The following AS3MT variants were observed in gnomAD, a reference collection of about 807,000 sequenced individuals.
AS3MT encodes the protein S-adenosyl-L-methionine:arsenic(III) methyltransferase.
AS3MT carries 47 observed loss-of-function variants against 45.3 expected under a neutral mutation model. That is an observed-to-expected ratio of 1.04 (90% confidence interval 0.82 to 1.32). The LOEUF is 1.32. Ranked by LOEUF, AS3MT falls within the 40% of genes most tolerant of loss-of-function variation. The pLI, the probability that AS3MT is intolerant of heterozygous loss-of-function variation, is 0.00. For synonymous variants in AS3MT, 141 were observed against 152.8 expected (o/e 0.92, Z 0.57); for missense variants, 396 against 451.1 (o/e 0.88, Z 1.11).
In AS3MT at chr10:102,881,146, A is replaced by G. The variant is rs1176436432; in HGVS notation, c.885+2155A>G. 6.6e-6 allele frequency among the ~76,000 whole-genome samples: 1 copy of G among 152,214 alleles called. No homozygotes were observed. The highest frequency in any genetic ancestry group is 2.4e-5 in the African/African-American group (1 of 41,456). On this transcript the variant is annotated intron_variant, in intron 9 of 10. Coordinates refer to ENST00000369880, the MANE Select transcript of AS3MT (RefSeq NM_020682.4). The surrounding 1 kb of genome is among the most constrained non-coding windows in gnomAD (Gnocchi z 4.2). ...TCATTCGTTTCATCCTATGAATGCCATGGTGAGGGAAACAGTGTAGTTAGA... is the reference window on the plus strand; with the variant it reads ...TCATTCGTTTCATCCTATGAATGCCGTGGTGAGGGAAACAGTGTAGTTAGA...
chr10:102,900,744 C>A lies in AS3MT; in HGVS notation c.*44C>A. 1.4e-6 allele frequency: 2 copies of A among 1,469,284 alleles called. No homozygotes were observed. The highest frequency in any genetic ancestry group is 1.9e-6 in the Non-Finnish European group (2 of 1,048,546). 91.0% of individuals were successfully genotyped at this position (1,469,284 alleles called of 1,614,324 possible). ...GACCACAGTAGTGGGCAAGAGTGATCTGCATGTTTTTTAACCTGCTTTTCC... is the reference window on the plus strand; with the variant it reads ...GACCACAGTAGTGGGCAAGAGTGATATGCATGTTTTTTAACCTGCTTTTCC... On this transcript the variant is annotated 3_prime_UTR_variant, in exon 11 of 11. Transcript: ENST00000369880.
At chr10:102,871,589 G>A (rs182636939) in intron 3 of AS3MT, among the ~76,000 whole-genome samples, 1,873 of 132,192 alleles carry the variant, frequency 0.014, 45 homozygotes, top group African/African-American at 0.051. Flanking sequence ...TTAGCCAGGA[G>A]TGGTGGCAGG....
intron 9 of AS3MT, chr10:102,887,848 A>G (rs1344969841): frequency 6.6e-6 from 1 of 152,626 alleles, no homozygotes; most frequent in Non-Finnish European, 1.5e-5. Flanking sequence ...TTTTATCTTC[A>G]CCTTCCTCCT....
chr10:102,893,224 C>T (rs531357555), intron 10 of AS3MT, among the ~76,000 whole-genome samples: 1 of 152,060 alleles, frequency 6.6e-6, no homozygotes, highest in South Asian at 2.1e-4. Flanking sequence ...TTTAACCTCA[C>T]CTTTGGCTTT....
intron 1 of AS3MT, 54 bp from the exon 2 acceptor site, chr10:102,869,751 C>G (rs948397420): frequency 6.2e-7 from 1 of 1,613,320 alleles, no homozygotes. Flanking sequence ...CCCCCTCCCT[C>G]ATGCCCGTCC....
At chr10:102,888,636 G>C (rs528363947) in intron 9 of AS3MT, among the ~76,000 whole-genome samples, 18 of 151,756 alleles carry the variant, frequency 1.2e-4, no homozygotes, top group Non-Finnish European at 2.2e-4. Flanking sequence ...GGTCAGGCTG[G>C]TCTCGAACTC....
At chr10:102,886,386 G>A (rs561842711) in intron 9 of AS3MT, among the ~76,000 whole-genome samples, 27 of 149,138 alleles carry the variant, frequency 1.8e-4, no homozygotes, top group Admixed American at 5.4e-4. Flanking sequence ...GTGCAGTGGC[G>A]CGATCTCAGC....
In AS3MT at chr10:102,869,505, C is replaced by T. The variant is rs1002006131; in HGVS notation, c.-88C>T. 1 of 1,393,946 alleles carries T rather than the reference C, an allele frequency of 7.2e-7. No individual in the cohort carries two copies. 86.3% of individuals were successfully genotyped at this position (1,393,946 alleles called of 1,614,324 possible). ...GCTGCGGGAGCCCGCCGTCCTGAGT[C>T]GCAGGCCGAGGAGACAGTGAGTGCG... On this transcript the variant is annotated 5_prime_UTR_variant, in exon 1 of 11. Transcript: ENST00000369880.
At chr10:102,876,666 T>A (rs1448370642) in intron 6 of AS3MT, among the ~76,000 whole-genome samples, 1 of 152,180 alleles carries the variant, frequency 6.6e-6, no homozygotes, top group Non-Finnish European at 1.5e-5. Context: ...TTGGTTCAGA[T>A]TGGCTAAAAA....
chr10:102,870,355 C>T, intron 3 of AS3MT, 144 bp downstream of exon 3: 1 of 1,118,606 alleles, frequency 8.9e-7, no homozygotes, highest in Non-Finnish European at 1.3e-6. Flanking sequence ...ATCTCAGCAC[C>T]CATCATCTTA....
At chr10:102,872,957 T>C (rs1371806962) in intron 4 of AS3MT, 140 bp from the exon 5 acceptor site, 5 of 728,938 alleles carry the variant, frequency 6.9e-6, no homozygotes, top group Non-Finnish European at 1.1e-5. Flanking sequence ...TTGTAGTATA[T>C]CCTACGTGTC....
intron 10 of AS3MT, among the ~76,000 whole-genome samples, 182 bp downstream of exon 10, chr10:102,890,860 C>A (rs1422163339): frequency 2.0e-5 from 3 of 152,106 alleles, no homozygotes; most frequent in African/African-American, 7.2e-5. Context: ...TACAGGCACC[C>A]ACCACCACGC....
chr10:102,871,983 A>G (rs1844697990), intron 3 of AS3MT, among the ~76,000 whole-genome samples: 1 of 151,730 alleles, frequency 6.6e-6, no homozygotes, highest in Admixed American at 6.6e-5. Context: ...CCTGGGTTCA[A>G]GCCATTCTCC....
chr10:102,878,914 A>G lies in AS3MT; in HGVS notation c.808A>G (p.Arg270Gly). The change falls in exon 9 of 11, where the codon AGA becomes GGA. Residue 270 changes from arginine (R) to glycine (G), a missense_variant. By Grantham distance (125) the Arg-to-Gly change is moderately radical (BLOSUM62 -2). Transcript: ENST00000369880. ...FKHSKTGPTK[R>G]CQVIYNGGIT... is the part of the protein sequence containing the mutation. ...ACACTCTAAGACAGGACCAACCAAG[A>G]GATGCCAAGTTATTTACAATGGAGG... The G allele has an allele frequency of 6.2e-7, 1 of 1,614,104 alleles. No individual in the cohort carries two copies. The highest frequency in any genetic ancestry group is 8.5e-7 in the Non-Finnish European group (1 of 1,179,958).
At chr10:102,870,027 G>C in intron 2 of AS3MT, 57 bp from the exon 3 acceptor site, 1 of 1,577,220 alleles carries the variant, frequency 6.3e-7, no homozygotes, top group Non-Finnish European at 8.6e-7. Flanking sequence ...CCCTCGCGCT[G>C]CAGTCACAGC....
chr10:102,893,495 C>CTTT (rs35072963), intron 10 of AS3MT, among the ~76,000 whole-genome samples: 1 of 106,208 alleles, frequency 9.4e-6, no homozygotes, highest in Admixed American at 9.7e-5. Context: ...ATTTTTTTTT[C>CTTT]TTTTTTTTTT....
chr10:102,894,114 C>T lies in AS3MT; in HGVS notation c.1020+3436C>T, dbSNP rs577478995. ...CCTCTGACAAATCTAGGCCAGAATG[C>T]GGAGAAAGTAAATCAAAAATAAAAT... On this transcript the variant is annotated intron_variant, in intron 10 of 10. Coordinates refer to ENST00000369880, the MANE Select transcript of AS3MT (RefSeq NM_020682.4). Among the ~76,000 whole-genome samples the T allele has an allele frequency of 2.0e-4, 30 of 152,062 alleles. 1 individual carries two copies. Among genetic ancestry groups the T allele is most frequent in the African/African-American group, 6.3e-4 (26 of 41,512 alleles).
In AS3MT at chr10:102,874,586, T is replaced by C; in HGVS notation, c.459-6T>C. ...TTTGCTCGACATTTCATCTGTTCTC[T>C]TTTAGATCAAACTGTGTTATTAACC... On this transcript the variant is annotated splice_region_variant and splice_polypyrimidine_tract_variant and intron_variant, in intron 5 of 10. Transcript: ENST00000369880. The C allele has an allele frequency of 6.3e-7, 1 of 1,592,184 alleles. No homozygotes were observed. The highest frequency in any genetic ancestry group is 8.6e-7 in the Non-Finnish European group (1 of 1,165,480).
At chr10:102,878,033 G>A (rs967435105) in intron 7 of AS3MT, among the ~76,000 whole-genome samples, 5 of 152,076 alleles carry the variant, frequency 3.3e-5, no homozygotes. Context: ...TTACAGGCAT[G>A]AGCCACCGCG....
Sources: allele counts gnomAD v4.1 joint callset (sites outside exome capture counted in the v4.1 genomes callset), GRCh38; gene constraint gnomAD v4.1.1; non-coding constraint Gnocchi (gnomAD v3.1); transcripts MANE v1.5; gene names NCBI Gene and HGNC (gene_info 2026-07-23, HGNC 2026-07-21).